The following TIMP2 variants were observed in gnomAD, a reference collection of about 807,000 sequenced individuals.
TIMP2 encodes TIMP metallopeptidase inhibitor 2, also known as metalloproteinase inhibitor 2.
TIMP2 carries 5 observed loss-of-function variants against 24.3 expected under a neutral mutation model. That is an observed-to-expected ratio of 0.21 (90% CI 0.11 to 0.43). TIMP2 has a LOEUF of 0.43. Among genes scored for constraint, TIMP2 ranks in the 20% least tolerant of loss-of-function variants. The pLI is 1.00. For synonymous variants in TIMP2, 130 were observed against 123.2 expected, an observed-to-expected ratio of 1.06 and a Z score of -0.37; for missense variants, 221 against 297.5, an observed-to-expected ratio of 0.74 and a Z score of 1.89.
chr17:78,862,220 C>T (rs1182099035), intron 3 of TIMP2, among the ~76,000 whole-genome samples: 2 of 152,198 alleles, frequency 1.3e-5, no homozygotes, highest in Non-Finnish European at 2.9e-5. Context: ...TCAGGCCATG[C>T]GGTCACTCAC....
At chr17:78,901,747 AGCACCTGAAAT>A (rs2070096506) in intron 1 of TIMP2, 5 of 717,284 alleles carry the variant, frequency 7.0e-6, no homozygotes, top group Non-Finnish European at 1.0e-5. Context: ...CACCACGAGA[AGCACCTGAAAT>A]GCTTGGGGAA....
In TIMP2 at chr17:78,896,448, G is replaced by A. The variant is rs2070001129; in HGVS notation, c.131-22529C>T. ...ACACTTGCCAATGAAGACAGCCATG[G>A]TTCCAATCAGGGCCCTCGCTACAGC... On this transcript the variant is annotated intron_variant, in intron 1 of 4. Coordinates refer to ENST00000262768, the MANE Select transcript of TIMP2 (RefSeq NM_003255.5). The surrounding 1 kb of genome is among the most constrained non-coding windows in gnomAD (Gnocchi z 4.4). Among the ~76,000 whole-genome samples the A allele has an allele frequency of 6.6e-6, 1 of 152,180 alleles. No individual in the cohort carries two copies. Among genetic ancestry groups the A allele is most frequent in the African/African-American group, 2.4e-5 (1 of 41,448 alleles).
At chr17:78,902,266 C>T (rs1282325226) in intron 1 of TIMP2, among the ~76,000 whole-genome samples, 1 of 152,248 alleles carries the variant, frequency 6.6e-6, no homozygotes, top group African/African-American at 2.4e-5. Context: ...CGCCACCACA[C>T]CCAGCTAATT....
intron 4 of TIMP2, chr17:78,856,081 C>T (rs940848288): frequency 6.8e-6 from 4 of 586,948 alleles, no homozygotes; most frequent in Non-Finnish European, 1.2e-5. Flanking sequence ...CCGCTGCCCC[C>T]CCTCCTACTG....
chr17:78,865,967 G>A (rs1024558566), intron 3 of TIMP2, among the ~76,000 whole-genome samples: 4 of 152,056 alleles, frequency 2.6e-5, no homozygotes, highest in Admixed American at 1.3e-4. Flanking sequence ...GAGCTGGGAC[G>A]GCTGGGACTT....
chr17:78,886,141 A>G (rs536218526), intron 1 of TIMP2, among the ~76,000 whole-genome samples: 1 of 152,278 alleles, frequency 6.6e-6, no homozygotes, highest in East Asian at 1.9e-4. Context: ...TCCTGCTGCC[A>G]GGGGACAGTG....
chr17:78,915,757 C>T lies in TIMP2; in HGVS notation c.130+9202G>A, dbSNP rs114444543. ...CTGGTCTTGAACTCCCGACCTCAGG[C>T]GATCCACATGCCTCGGCCTCCCCAA... On this transcript the variant is annotated intron_variant, in intron 1 of 4. Coordinates refer to ENST00000262768, the MANE Select transcript of TIMP2 (RefSeq NM_003255.5). 5.1e-3 allele frequency among the ~76,000 whole-genome samples: 777 copies of T among 152,126 alleles called. 5 individuals carry two copies. The highest frequency in any genetic ancestry group is 0.018 in the African/African-American group (743 of 41,486).
intron 3 of TIMP2, among the ~76,000 whole-genome samples, chr17:78,869,363 CA>C (rs1471594382): frequency 6.7e-6 from 1 of 149,376 alleles, no homozygotes; most frequent in Non-Finnish European, 1.5e-5. Flanking sequence ...ATCGAGGTTG[CA>C]GTGAGTCATG....
intron 3 of TIMP2, among the ~76,000 whole-genome samples, chr17:78,860,018 T>A (rs2145745776): frequency 6.7e-6 from 1 of 150,012 alleles, no homozygotes; most frequent in South Asian, 2.1e-4. Context: ...ATAAAAAAAA[T>A]ACAAAAAATT....
intron 3 of TIMP2, among the ~76,000 whole-genome samples, chr17:78,859,220 C>T (rs1046564363): frequency 2.6e-5 from 4 of 152,154 alleles, no homozygotes; most frequent in South Asian, 4.1e-4. Flanking sequence ...TCTGTACTTC[C>T]GGCTCCTGAC....
intron 1 of TIMP2, among the ~76,000 whole-genome samples, chr17:78,921,069 C>A (rs964216992): frequency 6.6e-6 from 1 of 152,238 alleles, no homozygotes; most frequent in East Asian, 1.9e-4. Flanking sequence ...GCCGCCCCCT[C>A]GCATGGAAGG....
Position 78,857,746 on chromosome 17 carries a change from C to A in TIMP2, c.341-100G>T, listed in dbSNP as rs550460984. The A allele has an allele frequency of 2.5e-4, 366 of 1,488,014 alleles. 2 individuals carry two copies. The East Asian group carries it at 7.8e-3, about 32-fold the overall frequency. 92.2% of individuals were successfully genotyped at this position (1,488,014 alleles called of 1,614,324 possible). ...CAGGGGCGCTGGGATTTCGTTGCAACAATCCTGTGCACTGTCTATTCTGAG... is the reference window on the plus strand; with the variant it reads ...CAGGGGCGCTGGGATTTCGTTGCAAAAATCCTGTGCACTGTCTATTCTGAG... On this transcript the variant is annotated intron_variant, in intron 3 of 4. Transcript: ENST00000262768.
chr17:78,876,072 C>T (rs1239659974), intron 1 of TIMP2, among the ~76,000 whole-genome samples: 1 of 152,222 alleles, frequency 6.6e-6, no homozygotes, highest in African/African-American at 2.4e-5. Flanking sequence ...ACGGCTTTGC[C>T]CTGACGGCCC....
intron 1 of TIMP2, among the ~76,000 whole-genome samples, chr17:78,893,647 C>A (rs1012650101): frequency 6.6e-6 from 1 of 151,766 alleles, no homozygotes; most frequent in Non-Finnish European, 1.5e-5. Flanking sequence ...GTGTATGTGT[C>A]CGTGTGGGGC....
At chr17:78,882,074 C>T (rs1169380691) in intron 1 of TIMP2, among the ~76,000 whole-genome samples, 1 of 152,222 alleles carries the variant, frequency 6.6e-6, no homozygotes, top group African/African-American at 2.4e-5. Flanking sequence ...AAGCGATTCT[C>T]CTGCCTCAGC....
rs144801712 is a variant in TIMP2 at position 78,880,944 on chromosome 17, C to G, written c.131-7025G>C. Among the ~76,000 whole-genome samples the G allele has an allele frequency of 4.2e-3, 636 of 152,364 alleles. 4 individuals are homozygous for G. The highest frequency in any genetic ancestry group is 0.014 in the African/African-American group (597 of 41,586). ...GACCACTCACAGCCTCTCCCCGGGGCACTCCACACACTGTAACAGCATAGC... is the reference window on the plus strand; with the variant it reads ...GACCACTCACAGCCTCTCCCCGGGGGACTCCACACACTGTAACAGCATAGC... On this transcript the variant is annotated intron_variant, in intron 1 of 4. Transcript: ENST00000262768.
chr17:78,870,901 C>A lies in TIMP2; in HGVS notation c.337G>T (p.Ala113Ser). ...DVGGKKEYLI[A>S]GKAEGDGKMH... ...TGATGGCCCCACTCATACACACCTG[C>A]AATGAGATATTCCTTCTTTCCTCCA... is the stretch of plus-strand genomic sequence containing the variant. Residue 113 changes from alanine (A) to serine (S), a missense_variant, in exon 3 of 5, where the codon GCA becomes TCA. By Grantham distance (99) the Ala-to-Ser change is moderately conservative (BLOSUM62 1). Transcript: ENST00000262768. 1 of 1,613,248 alleles carries A rather than the reference C, an allele frequency of 6.2e-7. No individual in the cohort carries two copies. Among genetic ancestry groups the A allele is most frequent in the Non-Finnish European group, 8.5e-7 (1 of 1,179,404 alleles).
intron 3 of TIMP2, among the ~76,000 whole-genome samples, chr17:78,858,459 A>G (rs1199665883): frequency 2.0e-5 from 3 of 151,948 alleles, no homozygotes; most frequent in African/African-American, 4.8e-5. Flanking sequence ...AAAAAAAAAA[A>G]GAAAAGAAAA....
chr17:78,912,815 C>T (rs555056354), intron 1 of TIMP2, among the ~76,000 whole-genome samples: 3 of 152,344 alleles, frequency 2.0e-5, no homozygotes, highest in Non-Finnish European at 4.4e-5. Context: ...GAGGCCCATA[C>T]AGTCCTTGAT....
Sources: allele counts gnomAD v4.1 joint callset (sites outside exome capture counted in the v4.1 genomes callset), GRCh38; gene constraint gnomAD v4.1.1; non-coding constraint Gnocchi (gnomAD v3.1); transcripts MANE v1.5; gene names NCBI Gene and HGNC (gene_info 2026-07-23, HGNC 2026-07-21).